Variants in SEPTIN9 observed in about 807,000 individuals in gnomAD.
The protein encoded by SEPTIN9 is septin 9.
In SEPTIN9, 13 loss-of-function variants were observed where a neutral mutation model predicts 56.6. The ratio of observed to expected loss-of-function variants is 0.23; its 90% confidence interval spans 0.15 to 0.37. The LOEUF (loss-of-function observed/expected upper bound fraction) is 0.37, where lower values mean the gene tolerates loss of function less well. Among genes scored for constraint, SEPTIN9 ranks in the 10% least tolerant of loss-of-function variants. The probability of loss-of-function intolerance (pLI) is 1.00; values close to 1 mark genes in which losing one functional copy is unlikely to be tolerated. For missense variants in SEPTIN9, 650 were observed against 823.1 expected, an observed-to-expected ratio of 0.79 and a Z score of 2.57; for synonymous variants, 332 against 334.1, an observed-to-expected ratio of 0.99 and a Z score of 0.07.
chr17:77,393,568 A>G (rs967268894), intron 2 of SEPTIN9, among the ~76,000 whole-genome samples: 3 of 151,780 alleles, frequency 2.0e-5, no homozygotes, highest in African/African-American at 7.3e-5. Context: ...GCCTGCACCC[A>G]GGGAATCTTA....
At chr17:77,383,696 C>T (rs757464012) in intron 2 of SEPTIN9, among the ~76,000 whole-genome samples, 8 of 152,140 alleles carry the variant, frequency 5.3e-5, no homozygotes, top group Admixed American at 6.5e-5. Flanking sequence ...GGCTGGGAGG[C>T]GTGGGAGAGG....
intron 3 of SEPTIN9, among the ~76,000 whole-genome samples, chr17:77,440,424 G>A (rs1438454588): frequency 1.3e-5 from 2 of 152,310 alleles, no homozygotes; most frequent in East Asian, 3.9e-4. Flanking sequence ...CAAAGTGTTG[G>A]GATTACAGGC....
At chr17:77,281,964 TTCTTCGGATTC>T (rs1331953398) in intron 1 of SEPTIN9, 1 of 188,248 alleles carries the variant, frequency 5.3e-6, no homozygotes, top group African/African-American at 2.3e-5. Context: ...GCAGCATCCT[TTCTTCGGATTC>T]TCTTCGGTTT....
intron 2 of SEPTIN9, among the ~76,000 whole-genome samples, chr17:77,358,043 T>C (rs955711130): frequency 6.6e-6 from 1 of 152,202 alleles, no homozygotes; most frequent in African/African-American, 2.4e-5. Context: ...ACTTTTCACA[T>C]GTTATTATGA....
At chr17:77,395,786 A>T (rs905450882) in intron 2 of SEPTIN9, among the ~76,000 whole-genome samples, 13 of 152,130 alleles carry the variant, frequency 8.5e-5, no homozygotes, top group African/African-American at 3.1e-4. Context: ...TATTCTCGGC[A>T]TTTCTCATCT....
At chr17:77,467,066 G>T (rs913826215) in intron 3 of SEPTIN9, among the ~76,000 whole-genome samples, 1 of 152,160 alleles carries the variant, frequency 6.6e-6, no homozygotes, top group Non-Finnish European at 1.5e-5. Context: ...GCCGGTTCCC[G>T]AATCACTCTT....
intron 2 of SEPTIN9, among the ~76,000 whole-genome samples, chr17:77,361,238 T>G (rs1182590400): frequency 6.6e-6 from 1 of 152,144 alleles, no homozygotes; most frequent in Non-Finnish European, 1.5e-5. Context: ...TCGTTCTTTC[T>G]TAATGAAAAT....
rs952367029 is a variant in SEPTIN9, at chr17:77,433,634, G to A, written c.721+30931G>A. Among the ~76,000 whole-genome samples, 2 of 152,166 alleles carry A rather than the reference G, an allele frequency of 1.3e-5. No individual in the cohort carries two copies. The highest frequency in any genetic ancestry group is 2.4e-5 in the African/African-American group (1 of 41,440). Reference sequence around the variant, plus strand: ...TAGGCCAGAGGGGTGGGGCTGGAGCGGGCGTCTGACCTGTGGCTGGATCTA... The same window carrying A: ...TAGGCCAGAGGGGTGGGGCTGGAGCAGGCGTCTGACCTGTGGCTGGATCTA... On this transcript the variant is annotated intron_variant, in intron 3 of 11. Coordinates refer to ENST00000427177, the MANE Select transcript of SEPTIN9 (RefSeq NM_001113491.2). This position sits in a 1 kb window ranked among gnomAD's most constrained non-coding sequence, Gnocchi z 6.4.
chr17:77,340,374 C>G (rs940339093), intron 2 of SEPTIN9, among the ~76,000 whole-genome samples: 2 of 152,160 alleles, frequency 1.3e-5, no homozygotes, highest in African/African-American at 4.8e-5. Context: ...CTCCTGACCT[C>G]AAGTGATCCC....
At chr17:77,331,025 A>G (rs2033327891) in intron 2 of SEPTIN9, among the ~76,000 whole-genome samples, 1 of 152,184 alleles carries the variant, frequency 6.6e-6, no homozygotes, top group Admixed American at 6.5e-5. Flanking sequence ...TGCTGCTCAC[A>G]GAGGGATGGG....
At chr17:77,495,903 G>A (rs778717173) in intron 10 of SEPTIN9, among the ~76,000 whole-genome samples, 16 of 152,368 alleles carry the variant, frequency 1.1e-4, no homozygotes, top group South Asian at 2.1e-4. Context: ...GTGGCTCTGC[G>A]ATGGGGCAGC....
rs761027113 is a variant in SEPTIN9, at chr17:77,385,427, C to T, written c.77-16632C>T. Among the ~76,000 whole-genome samples, 48 of 152,062 alleles carry T rather than the reference C, an allele frequency of 3.2e-4. 1 individual carries two copies. Among genetic ancestry groups the T allele is most frequent in the Non-Finnish European group, 6.2e-4 (42 of 67,998 alleles). On this transcript the variant is annotated intron_variant, in intron 2 of 11. Coordinates refer to ENST00000427177, the MANE Select transcript of SEPTIN9 (RefSeq NM_001113491.2). ...AGAGACAGGGTTTCACCATGTTGAC[C>T]AGGCTGGTCTCAAACTCCTGTCCTC...
intron 3 of SEPTIN9, among the ~76,000 whole-genome samples, chr17:77,432,648 G>A (rs979061143): frequency 6.6e-6 from 1 of 152,276 alleles, no homozygotes; most frequent in Non-Finnish European, 1.5e-5. Context: ...GATGGAGTGG[G>A]GTTTTTGTGG....
intron 2 of SEPTIN9, among the ~76,000 whole-genome samples, chr17:77,399,184 C>G (rs1179504268): frequency 6.6e-6 from 1 of 152,166 alleles, no homozygotes; most frequent in African/African-American, 2.4e-5. Context: ...TAAGCTCACA[C>G]CAGGGCAGCC....
intron 1 of SEPTIN9, among the ~76,000 whole-genome samples, chr17:77,296,222 A>G (rs965232637): frequency 6.6e-6 from 1 of 152,172 alleles, no homozygotes; most frequent in African/African-American, 2.4e-5. Flanking sequence ...TCAAACTGAG[A>G]AATACATGTC....
At chr17:77,373,244 C>G in intron 2 of SEPTIN9, 1 of 1,119,838 alleles carries the variant, frequency 8.9e-7, no homozygotes. Flanking sequence ...ACAGGGAGGC[C>G]GGTGCGGGTG....
Position 77,451,980 on chromosome 17 carries a change from C to T in SEPTIN9, c.722-30164C>T, listed in dbSNP as rs1014944594. On this transcript the variant is annotated intron_variant, in intron 3 of 11. Transcript: ENST00000427177. The surrounding 1 kb of genome is among the most constrained non-coding windows in gnomAD (Gnocchi z 4.2). ...CTCTGGGCTCCCGAAGACCGGCTGGCTGGAGGCTGGAGATAGTCTCAATGC... is the reference window on the plus strand; with the variant it reads ...CTCTGGGCTCCCGAAGACCGGCTGGTTGGAGGCTGGAGATAGTCTCAATGC... Among the ~76,000 whole-genome samples the T allele has an allele frequency of 2.6e-5, 4 of 152,226 alleles. No individual in the cohort carries two copies. Among genetic ancestry groups the T allele is most frequent in the Non-Finnish European group, 4.4e-5 (3 of 68,040 alleles).
intron 3 of SEPTIN9, among the ~76,000 whole-genome samples, chr17:77,430,944 CTG>C (rs1335488680): frequency 1.3e-5 from 2 of 151,268 alleles, no homozygotes; most frequent in Non-Finnish European, 2.9e-5. Flanking sequence ...TGAGCCGAGA[CTG>C]TGCTACTGCA....
intron 2 of SEPTIN9, among the ~76,000 whole-genome samples, chr17:77,343,031 ATCTATC>A (rs143992240): frequency 0.014 from 2,113 of 151,406 alleles, 55 homozygotes; most frequent in African/African-American, 0.049. Flanking sequence ...CTATCTATCT[ATCTATC>A]TATCTAGTCT....
Sources: allele counts gnomAD v4.1 joint callset (sites outside exome capture counted in the v4.1 genomes callset), GRCh38; gene constraint gnomAD v4.1.1; non-coding constraint Gnocchi (gnomAD v3.1); transcripts MANE v1.5; gene names NCBI Gene and HGNC (gene_info 2026-07-23, HGNC 2026-07-21).